Variants in IDH3G observed in about 807,000 individuals in gnomAD.
IDH3G encodes isocitrate dehydrogenase (NAD(+)) 3 non-catalytic subunit gamma.
A neutral mutation model predicts 26.9 loss-of-function variants in IDH3G; 9 were observed. The ratio of observed to expected loss-of-function variants is 0.34; its 90% CI spans 0.20 to 0.58. IDH3G has a LOEUF of 0.58. IDH3G is among the 20% of genes least tolerant of loss of function. The pLI, the probability that IDH3G is intolerant of heterozygous loss-of-function variation, is 0.85. For synonymous variants in IDH3G, 181 were observed against 160.0 expected (o/e 1.13, Z -0.99); for missense variants, 250 against 372.8 (o/e 0.67, Z 2.71).
At chrX:153,785,994 C>T (rs782707752) in intron 12 of IDH3G, 21 bp from the exon 13 acceptor site, 3 of 1,210,831 alleles carry the variant, frequency 2.5e-6, no homozygotes, top group South Asian at 1.8e-5. Context: ...CAGGCAGGCT[C>T]GGCACACACC....
At chrX:153,793,483 C>T (rs782608083) in intron 1 of IDH3G, 2 of 111,564 alleles carry the variant, frequency 1.8e-5, no homozygotes, top group Non-Finnish European at 3.8e-5. Context: ...AAAGGGGAAA[C>T]TAGAACCCAG....
chrX:153,794,265 A>G lies in IDH3G; in HGVS notation c.62T>C (p.Leu21Pro). ...SAAKAVLGPALLCRPWEVLGA... is the reference protein window; with the variant it reads ...SAAKAVLGPAPLCRPWEVLGA... ...GCTCACCTCCCAGGGACGGCAGAGA[A>G]GGGCTGGCCCGAGCACCGCCTTCGC... Residue 21 changes from leucine to proline, a missense_variant, in exon 1 of 13, where the codon CTT becomes CCT. By Grantham distance (98) the Leu-to-Pro change is moderately conservative (BLOSUM62 -3). Around this residue, in one of 2 missense-constraint regions of IDH3G, gnomAD observed 49 missense variants for 41.5 expected, o/e 1.18. Transcript: ENST00000217901. The G allele has an allele frequency of 8.3e-7, 1 of 1,197,925 alleles. No homozygotes were observed. Among genetic ancestry groups the G allele is most frequent in the Non-Finnish European group, 1.1e-6 (1 of 888,870 alleles).
rs1333506813 is a variant in IDH3G, at chrX:153,786,814, G to A, written c.911C>T (p.Ala304Val). Residue 304 changes from alanine to valine, a missense_variant, in exon 10 of 13, where the codon GCG (alanine) becomes GTG (valine). Physicochemically the swap from Ala to Val is moderately conservative, Grantham distance 64 (BLOSUM62 0). Coordinates refer to ENST00000217901, the MANE Select transcript of IDH3G (RefSeq NM_004135.4). Reference sequence around the variant, plus strand: ...ACCGGCACTCACTGTTTCAAACACCGCGTACACATGGCCATAGTTGGCCCC... The same window carrying A: ...ACCGGCACTCACTGTTTCAAACACCACGTACACATGGCCATAGTTGGCCCC... ...VAGANYGHVYAVFETATRNTG... is the reference protein window; with the variant it reads ...VAGANYGHVYVVFETATRNTG... The A allele has an allele frequency of 5.8e-6, 7 of 1,207,714 alleles. No homozygotes were observed. The highest frequency in any genetic ancestry group is 1.8e-5 in the South Asian group (1 of 56,833).
chrX:153,794,266 G>C lies in IDH3G; in HGVS notation c.61C>G (p.Leu21Val), dbSNP rs1557071325. ...CTCACCTCCCAGGGACGGCAGAGAA[G>C]GGCTGGCCCGAGCACCGCCTTCGCG... ...SAAKAVLGPALLCRPWEVLGA... is the reference protein window; with the variant it reads ...SAAKAVLGPAVLCRPWEVLGA... Residue 21 changes from leucine to valine, a missense_variant, in exon 1 of 13, where the codon CTT becomes GTT. This residue lies in a region of IDH3G where 49 missense variants were observed against 41.5 expected (regional missense o/e 1.18). Transcript: ENST00000217901. 17 of 1,199,884 alleles carry C rather than the reference G, an allele frequency of 1.4e-5. No individual in the cohort carries two copies. In the Admixed American group the frequency reaches 2.2e-4, roughly 15 times the overall value.
intron 4 of IDH3G, 37 bp from the exon 5 acceptor site, chrX:153,789,861 C>T (rs1557070068): frequency 1.1e-6 from 1 of 915,550 alleles, no homozygotes; most frequent in African/African-American, 1.9e-5. Context: ...TGGCCCAGAC[C>T]CCCCCGCACC....
Position 153,788,067 on chromosome X carries a change from G to T in IDH3G, c.407+8C>A. 1 of 1,211,629 alleles carries T rather than the reference G, an allele frequency of 8.3e-7. No homozygotes were observed. The highest frequency in any genetic ancestry group is 1.1e-6 in the Non-Finnish European group (1 of 895,244). ...ACCAAGCCCCCAGCCCGCACACCCG[G>T]ATCTCACCGAAGGATGTTGTTTCGA... On this transcript the variant is annotated splice_region_variant and intron_variant, in intron 6 of 12. Transcript: ENST00000217901.
At chrX:153,792,845 A>G (rs1359381391) in intron 1 of IDH3G, among the ~76,000 whole-genome samples, 12 of 112,287 alleles carry the variant, frequency 1.1e-4, no homozygotes, top group African/African-American at 3.9e-4. Flanking sequence ...CCACCAATCA[A>G]AGGAGCCAAG....
At chrX:153,790,461 C>A in intron 3 of IDH3G, 103 bp downstream of exon 3, 1 of 990,677 alleles carries the variant, frequency 1.0e-6, no homozygotes, top group Admixed American at 2.4e-5. Flanking sequence ...GGCTGCTCAT[C>A]CAGGGCTCCT....
chrX:153,794,146 G>C (rs2092122513), intron 1 of IDH3G, 100 bp downstream of exon 1: 1 of 942,665 alleles, frequency 1.1e-6, no homozygotes, highest in Non-Finnish European at 1.4e-6. Context: ...CGCCCCTGGT[G>C]GGGCCCCTAG....
rs781925764 is a variant in IDH3G, at chrX:153,787,521, T to C, written c.617A>G (p.Lys206Arg). The change falls in exon 8 of 13, where the codon AAG becomes AGG. Residue 206 changes from lysine (K) to arginine (R), a missense_variant. Coordinates refer to ENST00000217901, the MANE Select transcript of IDH3G (RefSeq NM_004135.4). ...KSLRIAEYAFKLAQESGRKKV... is the reference protein window; with the variant it reads ...KSLRIAEYAFRLAQESGRKKV... ...CTTGCGCCCGCTCTCCTGCGCCAGC[T>C]TGAAGGCATACTCGGCAATGCGCAG... 1 of 1,211,604 alleles carries C rather than the reference T, an allele frequency of 8.3e-7. No individual in the cohort carries two copies. Among genetic ancestry groups the C allele is most frequent in the Admixed American group, 2.2e-5 (1 of 46,124 alleles).
chrX:153,787,610 T>G lies in IDH3G; in HGVS notation c.541-13A>C, dbSNP rs1174564177. On this transcript the variant is annotated splice_polypyrimidine_tract_variant and intron_variant, in intron 7 of 12. Coordinates refer to ENST00000217901, the MANE Select transcript of IDH3G (RefSeq NM_004135.4). ...CTCCCGCCACACTCTGAGGAGGGCA[T>G]GGGGAGAAGAGACCCATGTGCTACT... The G allele has an allele frequency of 8.3e-7, 1 of 1,208,949 alleles. No individual in the cohort carries two copies.
intron 2 of IDH3G, 66 bp downstream of exon 2, chrX:153,790,744 G>T: frequency 8.9e-7 from 1 of 1,119,146 alleles, no homozygotes; most frequent in Non-Finnish European, 1.2e-6. Flanking sequence ...CACAGGCCGT[G>T]CACACACGCG....
chrX:153,786,478 T>C lies in IDH3G; in HGVS notation c.925-29A>G, dbSNP rs782793407. 5 of 1,071,012 alleles carry C rather than the reference T, an allele frequency of 4.7e-6. No individual in the cohort carries two copies. The South Asian group carries it at 8.1e-5, about 17-fold the overall frequency. 88.3% of individuals were successfully genotyped at this position (1,071,012 alleles called of 1,213,427 possible). ...GGGAGGCAAGACGAAGGAGAGTGGG[T>C]GGAGGGCAGAAGGATGCCGGGCAGT... On this transcript the variant is annotated intron_variant, in intron 10 of 12. Transcript: ENST00000217901.
intron 9 of IDH3G, 32 bp downstream of exon 9, chrX:153,787,017 CAG>C (rs781879185): frequency 1.0e-5 from 12 of 1,193,688 alleles, no homozygotes; most frequent in Admixed American, 8.7e-5. Context: ...CCAGGGCACT[CAG>C]GGCAGGGGGA....
chrX:153,787,903 C>T lies in IDH3G; in HGVS notation c.460G>A (p.Val154Met), dbSNP rs782367769. Residue 154 changes from valine (V) to methionine (M), a missense_variant, in exon 7 of 13, where the codon GTG (valine) becomes ATG (methionine). Coordinates refer to ENST00000217901, the MANE Select transcript of IDH3G (RefSeq NM_004135.4). ...TCTATGTCCTTGTGCCGGGTCACCA[C>T]GCCTGGAAGGCTCTTACAGTGGATG... ...NVIHCKSLPG[V>M]VTRHKDIDIL... The T allele has an allele frequency of 1.7e-6, 2 of 1,211,191 alleles. No individual in the cohort carries two copies. The highest frequency in any genetic ancestry group is 1.8e-5 in the South Asian group (1 of 56,996).
At chrX:153,786,099 A>G (rs1557069063) in intron 12 of IDH3G, 113 bp downstream of exon 12, 1 of 1,198,192 alleles carries the variant, frequency 8.3e-7, no homozygotes, top group South Asian at 1.8e-5. Context: ...AGATGGGGCC[A>G]GATCCAGTAC....
rs374984167 is a variant in IDH3G at position 153,787,782 on chromosome X, C to G, written c.540+41G>C. On this transcript the variant is annotated intron_variant, in intron 7 of 12. Coordinates refer to ENST00000217901, the MANE Select transcript of IDH3G (RefSeq NM_004135.4). ...TGGTTCCTTAAGCTCTCCCCTTAATCTTGACGCTGGGGGGGCTCATCTCGG... is the reference window on the plus strand; with the variant it reads ...TGGTTCCTTAAGCTCTCCCCTTAATGTTGACGCTGGGGGGGCTCATCTCGG... 1.5e-4 allele frequency: 179 copies of G among 1,189,353 alleles called. 1 individual carries two copies. The African/African-American group carries it at 2.2e-3, about 14-fold the overall frequency.
chrX:153,787,776 C>A, intron 7 of IDH3G, 47 bp downstream of exon 7: 1 of 1,187,390 alleles, frequency 8.4e-7, no homozygotes, highest in South Asian at 1.8e-5. Context: ...AAGCTCTCCC[C>A]TTAATCTTGA....
intron 5 of IDH3G, among the ~76,000 whole-genome samples, chrX:153,788,473 G>A (rs994414478): frequency 8.9e-6 from 1 of 112,933 alleles, no homozygotes; most frequent in Non-Finnish European, 1.9e-5. Flanking sequence ...CAGGTTGGCC[G>A]GCCAGGCTGG....
Sources: allele counts gnomAD v4.1 joint callset (sites outside exome capture counted in the v4.1 genomes callset), GRCh38; gene constraint gnomAD v4.1.1; regional missense constraint gnomAD v4.1.1; transcripts MANE v1.5; gene names NCBI Gene and HGNC (gene_info 2026-07-23, HGNC 2026-07-21).